Variants in PCDH15 observed in about 807,000 individuals in gnomAD.
The protein encoded by PCDH15 is protocadherin-15.
A neutral mutation model predicts 178.5 loss-of-function variants in PCDH15; 129 were observed. The ratio of observed to expected loss-of-function variants is 0.72; its 90% CI spans 0.63 to 0.84. PCDH15 has a LOEUF of 0.84. PCDH15 is among the 40% of genes least tolerant of loss of function. The pLI is 0.00. For synonymous variants in PCDH15, 800 were observed against 732.0 expected, an observed-to-expected ratio of 1.09 and a Z score of -1.50; for missense variants, 2,230 against 2,099.9, an observed-to-expected ratio of 1.06 and a Z score of -1.21.
chr10:54,252,601 A>C (rs2056577209), intron 8 of PCDH15, among the ~76,000 whole-genome samples: 1 of 152,190 alleles, frequency 6.6e-6, no homozygotes, highest in South Asian at 2.1e-4. Context: ...CTGCCATCAG[A>C]GCCAGAACGA....
chr10:54,112,120 T>C (rs183838126), intron 15 of PCDH15, among the ~76,000 whole-genome samples: 2,226 of 151,954 alleles, frequency 0.015, 49 homozygotes, highest in African/African-American at 0.047. Flanking sequence ...CTCCACTGAG[T>C]GACAGAGTGA....
At chr10:54,514,406 G>A (rs2082005072) in intron 3 of PCDH15, among the ~76,000 whole-genome samples, 1 of 151,718 alleles carries the variant, frequency 6.6e-6, no homozygotes, top group Non-Finnish European at 1.5e-5. Context: ...AGCAATTTAG[G>A]ATTATGTGAA....
At chr10:55,439,943 A>G (rs1031488626) in intron 2 of PCDH15, among the ~76,000 whole-genome samples, 7 of 152,218 alleles carry the variant, frequency 4.6e-5, no homozygotes, top group Admixed American at 4.6e-4. Flanking sequence ...TTCAGTGTAT[A>G]TATAATACAA....
At chr10:54,767,456 T>A (rs1414460104) in intron 1 of PCDH15, among the ~76,000 whole-genome samples, 1 of 151,996 alleles carries the variant, frequency 6.6e-6, no homozygotes, top group African/African-American at 2.4e-5. Context: ...ACATAGACAG[T>A]CCACACTAAA....
chr10:54,857,077 C>T (rs1311626006), intron 3 of PCDH15, among the ~76,000 whole-genome samples: 1 of 152,142 alleles, frequency 6.6e-6, no homozygotes, highest in Admixed American at 6.5e-5. Context: ...CGTAAGTGTG[C>T]ACTTTCTGTT....
At chr10:54,478,870 G>A (rs1297787579) in intron 3 of PCDH15, among the ~76,000 whole-genome samples, 1 of 151,932 alleles carries the variant, frequency 6.6e-6, no homozygotes, top group African/African-American at 2.4e-5. Flanking sequence ...TGTTGCTTGG[G>A]ATCACAGTCA....
At chr10:54,800,264 T>C (rs563560145) in intron 1 of PCDH15, among the ~76,000 whole-genome samples, 12 of 152,232 alleles carry the variant, frequency 7.9e-5, no homozygotes, top group Admixed American at 5.9e-4. Context: ...CATCACAAAG[T>C]GGGAAAGCTG....
intron 16 of PCDH15, among the ~76,000 whole-genome samples, chr10:54,086,518 T>C (rs77458467): frequency 0.027 from 4,113 of 152,230 alleles, 181 homozygotes; most frequent in African/African-American, 0.09. Context: ...TGCAAAGTTT[T>C]GAACATGAAT....
intron 2 of PCDH15, among the ~76,000 whole-genome samples, chr10:54,614,504 T>G (rs2134298346): frequency 6.6e-6 from 1 of 152,124 alleles, no homozygotes; most frequent in South Asian, 2.1e-4. Flanking sequence ...CTTTGGAAGT[T>G]TTAGCAATTT....
At chr10:54,535,916 C>T (rs919562624) in intron 2 of PCDH15, among the ~76,000 whole-genome samples, 2 of 151,968 alleles carry the variant, frequency 1.3e-5, no homozygotes, top group Non-Finnish European at 2.9e-5. Context: ...TCTTTGTATT[C>T]ATACATAATT....
intron 27 of PCDH15, among the ~76,000 whole-genome samples, chr10:53,859,950 G>T (rs2078993919): frequency 6.6e-6 from 1 of 152,138 alleles, no homozygotes; most frequent in African/African-American, 2.4e-5. Flanking sequence ...TCCCGGGATG[G>T]GGATCTACAT....
chr10:54,916,909 T>C (rs1040610756), intron 2 of PCDH15, among the ~76,000 whole-genome samples: 1 of 152,174 alleles, frequency 6.6e-6, no homozygotes, highest in Non-Finnish European at 1.5e-5. Context: ...TGCATCTTGG[T>C]ATGTAGTGCT....
intron 15 of PCDH15, among the ~76,000 whole-genome samples, chr10:54,117,535 T>C (rs1479990569): frequency 1.3e-5 from 2 of 152,316 alleles, no homozygotes; most frequent in East Asian, 1.9e-4. Context: ...GCTCTTCTTT[T>C]AGTCCTGCCC....
intron 2 of PCDH15, among the ~76,000 whole-genome samples, chr10:55,548,690 A>T (rs1459179854): frequency 1.3e-5 from 2 of 152,176 alleles, no homozygotes; most frequent in African/African-American, 4.8e-5. Context: ...GTACACAGAA[A>T]GTCTTTTCCA....
chr10:55,561,658 A>G (rs1300647589), intron 2 of PCDH15, among the ~76,000 whole-genome samples: 2 of 151,876 alleles, frequency 1.3e-5, no homozygotes, highest in Non-Finnish European at 1.5e-5. Flanking sequence ...TAAGACAAAC[A>G]TCTTACCTGG....
At chr10:55,363,640 G>A (rs1310408377) in intron 2 of PCDH15, among the ~76,000 whole-genome samples, 1 of 151,196 alleles carries the variant, frequency 6.6e-6, no homozygotes, top group Non-Finnish European at 1.5e-5. Context: ...TCTTTTTTTG[G>A]TTGGGATGTG....
intron 18 of PCDH15, among the ~76,000 whole-genome samples, chr10:54,057,473 T>C (rs2093919374): frequency 6.6e-6 from 1 of 152,198 alleles, no homozygotes. Flanking sequence ...TCTGAAGCCC[T>C]GGCCTGAGCT....
intron 1 of PCDH15, among the ~76,000 whole-genome samples, chr10:55,192,742 T>TAC (rs1564879599): frequency 6.9e-6 from 1 of 144,782 alleles, no homozygotes; most frequent in Non-Finnish European, 1.5e-5. Flanking sequence ...TCTCTCTCTC[T>TAC]ATATATATAT....
chr10:55,079,946 G>A (rs975963047), intron 2 of PCDH15, among the ~76,000 whole-genome samples: 1 of 152,078 alleles, frequency 6.6e-6, no homozygotes, highest in African/African-American at 2.4e-5. Context: ...TAGTGTGCAG[G>A]GGCTTAGGCT....
Sources: gnomAD v4.1 joint callset for allele counts (sites outside exome capture counted in the v4.1 genomes callset) on GRCh38, gnomAD v4.1.1 for gene constraint, MANE v1.5 for transcripts, NCBI Gene and HGNC (gene_info 2026-07-23, HGNC 2026-07-21) for gene names.